Variants in GRAMD1B observed in about 807,000 individuals in gnomAD.
GRAMD1B encodes the protein GRAM domain containing 1B.
GRAMD1B carries 37 observed loss-of-function variants against 99.7 expected under a neutral mutation model. The ratio of observed to expected loss-of-function variants is 0.37; its 90% confidence interval spans 0.29 to 0.49. The LOEUF (loss-of-function observed/expected upper bound fraction) is 0.49. Ranked by LOEUF, GRAMD1B falls within the 20% of genes least tolerant of loss-of-function variation. GRAMD1B has a pLI of 0.98. For missense variants in GRAMD1B, 888 were observed against 1,009.2 expected (o/e 0.88, Z 1.63); for synonymous variants, 427 against 387.6 (o/e 1.10, Z -1.19).
intron 1 of GRAMD1B, among the ~76,000 whole-genome samples, chr11:123,380,195 A>T (rs996118921): frequency 1.3e-5 from 2 of 152,258 alleles, no homozygotes; most frequent in African/African-American, 4.8e-5. Context: ...CGTCCAGTTC[A>T]CTCACCCTTT....
At chr11:123,598,117 A>G in intron 7 of GRAMD1B, 2 of 1,591,446 alleles carry the variant, frequency 1.3e-6, no homozygotes, top group Non-Finnish European at 1.7e-6. Context: ...TAGCAAAGTG[A>G]GCAGTGTTTG....
intron 2 of GRAMD1B, among the ~76,000 whole-genome samples, chr11:123,488,625 T>A (rs140548738): frequency 6.6e-6 from 1 of 152,102 alleles, no homozygotes; most frequent in African/African-American, 2.4e-5. Context: ...GGGAGCCGGA[T>A]CTTCTCCCCT....
intron 1 of GRAMD1B, among the ~76,000 whole-genome samples, chr11:123,386,733 G>A (rs1947074089): frequency 6.6e-6 from 1 of 152,210 alleles, no homozygotes; most frequent in Admixed American, 6.5e-5. Flanking sequence ...ACAGGCATGA[G>A]CCACCATGCC....
chr11:123,626,017 G>A lies in GRAMD1B; in HGVS notation c.*3422G>A, dbSNP rs529301440. 6.7e-6 allele frequency: 1 copy of A among 150,214 alleles called. No individual in the cohort carries two copies. Among genetic ancestry groups the A allele is most frequent in the African/African-American group, 2.4e-5 (1 of 40,844 alleles). The allele number at this position is 150,214 out of a possible 1,614,324, so 9.3% of individuals were successfully genotyped here. A position where few individuals can be genotyped will look rare whatever the true frequency, so the allele number is the denominator to read the frequency against. On this transcript the variant is annotated 3_prime_UTR_variant, in exon 20 of 20. Coordinates refer to ENST00000635736, the MANE Select transcript of GRAMD1B (RefSeq NM_001387025.1). ...TGTATTGCTCAGTATTCACTTAGAAGGGTTTCTTTCTCTTTGGCCTAGTTT... is the reference window on the plus strand; with the variant it reads ...TGTATTGCTCAGTATTCACTTAGAAAGGTTTCTTTCTCTTTGGCCTAGTTT...
intron 2 of GRAMD1B, among the ~76,000 whole-genome samples, chr11:123,529,316 C>T (rs937304132): frequency 1.3e-5 from 2 of 152,136 alleles, no homozygotes; most frequent in African/African-American, 4.8e-5. Flanking sequence ...AGAGGCTGGA[C>T]AATTAGGTAA....
intron 1 of GRAMD1B, among the ~76,000 whole-genome samples, chr11:123,465,945 T>A (rs575727834): frequency 2.6e-5 from 4 of 151,770 alleles, no homozygotes; most frequent in African/African-American, 7.3e-5. Context: ...ACTGGAGCAG[T>A]TTAGTTAAAG....
At chr11:123,485,996 G>A (rs1412034063) in intron 2 of GRAMD1B, among the ~76,000 whole-genome samples, 1 of 152,138 alleles carries the variant, frequency 6.6e-6, no homozygotes, top group Non-Finnish European at 1.5e-5. Flanking sequence ...GATTACAGGC[G>A]TGAGCCACTG....
chr11:123,556,623 T>C (rs1946209588), intron 2 of GRAMD1B, among the ~76,000 whole-genome samples: 4 of 152,214 alleles, frequency 2.6e-5, no homozygotes, highest in Admixed American at 2.6e-4. Flanking sequence ...TAGTGTCAGT[T>C]TTCTGTATCT....
chr11:123,598,673 C>A, intron 7 of GRAMD1B: 1 of 1,159,630 alleles, frequency 8.6e-7, no homozygotes, highest in Non-Finnish European at 1.3e-6. Flanking sequence ...TCAATCTGTC[C>A]AAACCCAGAG....
chr11:123,495,918 CT>C (rs1300522698), intron 2 of GRAMD1B, among the ~76,000 whole-genome samples: 1 of 152,146 alleles, frequency 6.6e-6, no homozygotes, highest in Non-Finnish European at 1.5e-5. Flanking sequence ...CTTTCTGCGT[CT>C]TGAAAAGTTG....
At chr11:123,535,677 A>G (rs1382260353) in intron 2 of GRAMD1B, among the ~76,000 whole-genome samples, 1 of 151,860 alleles carries the variant, frequency 6.6e-6, no homozygotes, top group Non-Finnish European at 1.5e-5. Context: ...TTACAAAAAA[A>G]TTGTGAAATA....
In GRAMD1B at chr11:123,434,933, A is replaced by C. The variant is rs116798143; in HGVS notation, c.374+3767A>C. The stretch of plus-strand genomic sequence containing the variant: ...ATTTCACTTTACCTCCATGAGTTTC[A>C]CCTTCTTCATTTGTGGAAGAGGATC... On this transcript the variant is annotated intron_variant, in intron 1 of 19. Transcript: ENST00000635736. Among the ~76,000 whole-genome samples, 176 of 152,298 alleles carry C rather than the reference A, an allele frequency of 1.2e-3. 1 individual carries two copies. The highest frequency in any genetic ancestry group is 4.1e-3 in the African/African-American group (169 of 41,566).
intron 17 of GRAMD1B, chr11:123,618,408 C>T (rs994186397): frequency 1.5e-5 from 24 of 1,551,422 alleles, no homozygotes; most frequent in East Asian, 4.5e-5. Flanking sequence ...TCCTCCCCAC[C>T]GTACCTCTCT....
intron 2 of GRAMD1B, among the ~76,000 whole-genome samples, chr11:123,500,477 A>G (rs771760079): frequency 6.6e-6 from 1 of 152,172 alleles, no homozygotes; most frequent in Non-Finnish European, 1.5e-5. Context: ...CACTTCCACA[A>G]TGGGAAATTT....
chr11:123,604,682 G>A (rs1455081165), intron 9 of GRAMD1B, among the ~76,000 whole-genome samples: 2 of 152,164 alleles, frequency 1.3e-5, no homozygotes, highest in Non-Finnish European at 2.9e-5. Context: ...TGCACATAAG[G>A]ATTTCCGGAG....
intron 1 of GRAMD1B, among the ~76,000 whole-genome samples, chr11:123,385,424 T>G (rs1947023057): frequency 6.6e-6 from 1 of 152,242 alleles, no homozygotes; most frequent in African/African-American, 2.4e-5. Flanking sequence ...TACCGAATAC[T>G]GTGTAAATTC....
At chr11:123,507,333 A>G (rs911167519) in intron 2 of GRAMD1B, among the ~76,000 whole-genome samples, 1 of 152,196 alleles carries the variant, frequency 6.6e-6, no homozygotes, top group Admixed American at 6.5e-5. Flanking sequence ...GCAAAGCCTC[A>G]TGGCTTTTCA....
intron 17 of GRAMD1B, among the ~76,000 whole-genome samples, chr11:123,617,169 C>CTTTTTTTTTTTTTTTTT (rs34788392): frequency 1.6e-4 from 21 of 133,650 alleles, no homozygotes; most frequent in African/African-American, 2.0e-4. Flanking sequence ...TCTTTCTTTC[C>CTTTTTTTTTTTTTTTTT]TTTTTTTTTT....
intron 1 of GRAMD1B, among the ~76,000 whole-genome samples, chr11:123,368,275 A>AAAAGAAAGAAAG (rs60404636): frequency 3.9e-5 from 5 of 127,112 alleles, no homozygotes; most frequent in Admixed American, 7.9e-5. Flanking sequence ...AAAAAAAAAA[A>AAAAGAAAGAAAG]AAAGAAAGAA....
Sources: allele counts gnomAD v4.1 joint callset (sites outside exome capture counted in the v4.1 genomes callset), GRCh38; gene constraint gnomAD v4.1.1; transcripts MANE v1.5; gene names NCBI Gene and HGNC (gene_info 2026-07-23, HGNC 2026-07-21).